Variants in CECR2 observed in about 807,000 individuals in gnomAD.
CECR2 encodes the protein chromatin remodeling regulator CECR2.
A neutral mutation model predicts 154.5 loss-of-function variants in CECR2; 30 were observed. The observed-to-expected ratio is 0.19, with a 90% CI of 0.15 to 0.26. The LOEUF is 0.26. CECR2 is among the 10% of genes least tolerant of loss of function. The pLI is 1.00. For synonymous variants in CECR2, 725 were observed against 683.7 expected, an observed-to-expected ratio of 1.06 and a Z score of -0.94; for missense variants, 1,743 against 1,829.3, an observed-to-expected ratio of 0.95 and a Z score of 0.86.
Position 17,362,245 on chromosome 22 carries a change from T to C in CECR2, c.-364+2222T>C, listed in dbSNP as rs184771585. On this transcript the variant is annotated intron_variant, in intron 1 of 18. Coordinates refer to the CECR2 transcript ENST00000400585. ...TTTCAGTAAAGATGAGGTTTCACCA[T>C]GTTGGCCAGGCTGGTCTCAAACTCC... Among the ~76,000 whole-genome samples the C allele has an allele frequency of 5.6e-4, 86 of 152,250 alleles. 1 individual carries two copies. The East Asian group carries it at 0.015, about 26-fold the overall frequency.
At chr22:17,532,569 A>G (rs2056372380) in intron 9 of CECR2, among the ~76,000 whole-genome samples, 1 of 152,076 alleles carries the variant, frequency 6.6e-6, no homozygotes, top group Non-Finnish European at 1.5e-5. Flanking sequence ...GTAAGGATTT[A>G]GTGTCTACAA....
At chr22:17,459,563 G>C (rs115504681) in intron 1 of CECR2, among the ~76,000 whole-genome samples, 1,783 of 152,148 alleles carry the variant, frequency 0.012, 30 homozygotes, top group African/African-American at 0.039. Flanking sequence ...CTCCCCCGGC[G>C]TCGGCCTCAC....
intron 1 of CECR2, among the ~76,000 whole-genome samples, chr22:17,381,936 G>A (rs1336714723): frequency 2.6e-5 from 4 of 151,242 alleles, no homozygotes; most frequent in Admixed American, 2.0e-4. Context: ...CACCCAGGCT[G>A]GAGTGCAGTG....
At chr22:17,416,975 T>TA (rs1257690500) in intron 1 of CECR2, among the ~76,000 whole-genome samples, 3 of 152,198 alleles carry the variant, frequency 2.0e-5, no homozygotes, top group Admixed American at 1.3e-4. Flanking sequence ...TATGAATCTT[T>TA]TTAAAGTCTC....
chr22:17,360,608 C>A (rs1355902147), intron 1 of CECR2, among the ~76,000 whole-genome samples: 1 of 151,606 alleles, frequency 6.6e-6, no homozygotes, highest in Non-Finnish European at 1.5e-5. Context: ...ACCTGGAAGG[C>A]AGAGGTTGCA....
chr22:17,524,081 T>G, intron 8 of CECR2, 37 bp from the exon 9 acceptor site: 4 of 1,486,174 alleles, frequency 2.7e-6, no homozygotes, highest in Non-Finnish European at 3.7e-6. Context: ...CTTGCATGAT[T>G]GTGTACTGAC....
intron 1 of CECR2, among the ~76,000 whole-genome samples, chr22:17,454,308 C>T (rs946828909): frequency 4.6e-5 from 7 of 150,958 alleles, no homozygotes; most frequent in Admixed American, 1.3e-4. Context: ...CAAAAACCTG[C>T]AGCTGGCCAG....
intron 5 of CECR2, among the ~76,000 whole-genome samples, chr22:17,502,819 AAAAT>A (rs2146889782): frequency 6.6e-6 from 1 of 152,298 alleles, no homozygotes; most frequent in South Asian, 2.1e-4. Context: ...ATAAAAATAA[AAAAT>A]AAAAGTTACT....
intron 2 of CECR2, among the ~76,000 whole-genome samples, chr22:17,486,248 G>A (rs114417663): frequency 0.012 from 1,860 of 152,348 alleles, 42 homozygotes; most frequent in African/African-American, 0.043. Context: ...ACCTGAGGAA[G>A]CGAAGGCAAA....
intron 1 of CECR2, among the ~76,000 whole-genome samples, chr22:17,430,314 C>T (rs1384491761): frequency 6.6e-6 from 1 of 152,166 alleles, no homozygotes; most frequent in East Asian, 1.9e-4. Context: ...ATGAACATTG[C>T]AAATGTGTAT....
chr22:17,408,570 A>T (rs910327628), intron 1 of CECR2, among the ~76,000 whole-genome samples: 7 of 151,990 alleles, frequency 4.6e-5, no homozygotes, highest in Non-Finnish European at 7.4e-5. Flanking sequence ...TTGCTTTCTC[A>T]CCCAAGATGT....
At chr22:17,466,540 A>ATT (rs1227429823) in intron 1 of CECR2, among the ~76,000 whole-genome samples, 1 of 151,916 alleles carries the variant, frequency 6.6e-6, no homozygotes, top group Non-Finnish European at 1.5e-5. Context: ...AAGCCAAAGA[A>ATT]TGGAAACCTG....
At chr22:17,422,971 G>A (rs1197756827) in intron 1 of CECR2, among the ~76,000 whole-genome samples, 4 of 152,078 alleles carry the variant, frequency 2.6e-5, no homozygotes, top group Non-Finnish European at 5.9e-5. Flanking sequence ...TCAATTTCCT[G>A]CCTCATAATT....
chr22:17,468,222 T>A (rs1218506330), intron 1 of CECR2, among the ~76,000 whole-genome samples: 1 of 152,182 alleles, frequency 6.6e-6, no homozygotes, highest in South Asian at 2.1e-4. Flanking sequence ...TGTGGGCTCA[T>A]GTTTTGGGCT....
chr22:17,499,349 G>GT, intron 3 of CECR2, 61 bp from the exon 4 acceptor site: 3 of 1,567,602 alleles, frequency 1.9e-6, no homozygotes, highest in South Asian at 1.2e-5. Context: ...CCTCGTTCTG[G>GT]TTTTTTCCTG....
intron 9 of CECR2, among the ~76,000 whole-genome samples, chr22:17,530,696 A>C (rs969253417): frequency 3.3e-5 from 5 of 152,012 alleles, no homozygotes; most frequent in East Asian, 1.9e-4. Flanking sequence ...AGAAAAAAAA[A>C]AACAACAGAA....
rs574369525 is a variant in CECR2, at chr22:17,504,741, G to A, written c.701-106G>A. 131 of 1,043,124 alleles carry A rather than the reference G, an allele frequency of 1.3e-4. 2 individuals carry two copies. In the South Asian group the frequency reaches 1.7e-3, roughly 14 times the overall value. The allele number at this position is 1,043,124 out of a possible 1,614,324, so 64.6% of individuals were successfully genotyped here. ...CAGGCTTGAGCCACCGCGCCCGGCC[G>A]AGTTCCTTATTTTAGTCATGACCCA... On this transcript the variant is annotated intron_variant, in intron 6 of 18. Transcript: ENST00000262608.
chr22:17,390,649 T>C (rs2063316412), intron 1 of CECR2, among the ~76,000 whole-genome samples: 1 of 151,972 alleles, frequency 6.6e-6, no homozygotes, highest in Non-Finnish European at 1.5e-5. Context: ...TGTTTTGTTT[T>C]GTTTTTTGAG....
chr22:17,541,731 C>T (rs2056525598), intron 14 of CECR2, 108 bp from the exon 15 acceptor site: 3 of 1,348,828 alleles, frequency 2.2e-6, no homozygotes, highest in Admixed American at 2.4e-5. Context: ...GAGGTTTAGT[C>T]GTCTGTTTTA....
Sources: allele counts gnomAD v4.1 joint callset (sites outside exome capture counted in the v4.1 genomes callset), GRCh38; gene constraint gnomAD v4.1.1; transcripts MANE v1.5; gene names NCBI Gene and HGNC (gene_info 2026-07-23, HGNC 2026-07-21).